The following ZNF507 variants were observed in gnomAD, a reference collection of about 807,000 sequenced individuals.
ZNF507 encodes zinc finger protein 507.
A neutral mutation model predicts 80.0 loss-of-function variants in ZNF507; 29 were observed. The ratio of observed to expected loss-of-function variants is 0.36; its 90% CI spans 0.27 to 0.49. The LOEUF is 0.49. ZNF507 is among the 20% of genes least tolerant of loss of function. The pLI is 0.98. For missense variants in ZNF507, 1,081 were observed against 1,152.2 expected, an observed-to-expected ratio of 0.94 and a Z score of 0.90; for synonymous variants, 462 against 422.5, an observed-to-expected ratio of 1.09 and a Z score of -1.15.
chr19:32,367,514 TTTCC>T (rs1967414683), intron 5 of ZNF507, among the ~76,000 whole-genome samples: 1 of 152,216 alleles, frequency 6.6e-6, no homozygotes. Context: ...TGAACAGACA[TTTCC>T]AGTTTAATAT....
intron 6 of ZNF507, 53 bp downstream of exon 6, chr19:32,382,654 T>C (rs1967638799): frequency 1.2e-6 from 2 of 1,612,674 alleles, no homozygotes; most frequent in Non-Finnish European, 1.7e-6. Context: ...AAAGCCAGGA[T>C]TAAATCTACT....
intron 3 of ZNF507, among the ~76,000 whole-genome samples, chr19:32,355,238 G>C (rs1371434984): frequency 6.6e-6 from 1 of 152,216 alleles, no homozygotes; most frequent in East Asian, 1.9e-4. Context: ...CAAGAGAATT[G>C]TAGGGAGTGT....
At chr19:32,356,758 G>T in intron 4 of ZNF507, 25 bp downstream of exon 4, 1 of 1,572,604 alleles carries the variant, frequency 6.4e-7, no homozygotes, top group Non-Finnish European at 8.8e-7. Flanking sequence ...TGTTATGCAG[G>T]CTGCAGTGAC....
At chr19:32,364,953 C>T (rs1011337682) in intron 5 of ZNF507, among the ~76,000 whole-genome samples, 4 of 151,708 alleles carry the variant, frequency 2.6e-5, no homozygotes, top group African/African-American at 7.3e-5. Context: ...TGTTCCTTAT[C>T]GCCACATCCA....
At position 32,356,657 on chromosome 19, in the gene ZNF507, A is replaced by G. The variant is rs372116444; in HGVS notation, c.2169A>G (p.Pro723=). The change falls in exon 4 of 7, where the codon CCA becomes CCG. Residue 723 remains proline, a synonymous_variant. Coordinates refer to ENST00000355898, the MANE Select transcript of ZNF507 (RefSeq NM_001136156.2). ...ATGAGAGAGAACAGCACAGTCTTCC[A>G]GATACCTTGTCAATAGCAACTTCTA... The part of the protein sequence containing the change: ...RNHEREQHSL[P]DTLSIATSNE... 3 of 1,614,062 alleles carry G rather than the reference A, an allele frequency of 1.9e-6. No individual in the cohort carries two copies. The highest frequency in any genetic ancestry group is 1.3e-5 in the African/African-American group (1 of 74,948).
In ZNF507 at chr19:32,384,905, C is replaced by A. The variant is rs1211299906; in HGVS notation, c.*1822C>A. ...AATCCACTGTATGTGGACTTATATTCATTTTCTCCTTTTTTCGGAATTGAA... is the reference window on the plus strand; with the variant it reads ...AATCCACTGTATGTGGACTTATATTAATTTTCTCCTTTTTTCGGAATTGAA... On this transcript the variant is annotated 3_prime_UTR_variant, in exon 7 of 7. Transcript: ENST00000355898. 1 of 151,954 alleles carries A rather than the reference C, an allele frequency of 6.6e-6. No individual in the cohort carries two copies. Among genetic ancestry groups the A allele is most frequent in the Non-Finnish European group, 1.5e-5 (1 of 67,974 alleles). 9.4% of individuals were successfully genotyped at this position (151,954 alleles called of 1,614,324 possible).
At chr19:32,370,984 G>T (rs1967462762) in intron 5 of ZNF507, among the ~76,000 whole-genome samples, 1 of 152,148 alleles carries the variant, frequency 6.6e-6, no homozygotes, top group Non-Finnish European at 1.5e-5. Context: ...TGAAGAGACT[G>T]TTCTTTCTCC....
intron 5 of ZNF507, among the ~76,000 whole-genome samples, chr19:32,367,084 T>G (rs944092749): frequency 2.0e-5 from 3 of 152,242 alleles, no homozygotes; most frequent in African/African-American, 7.2e-5. Flanking sequence ...CAGGCTGTCC[T>G]CTGCTTCTGG....
At chr19:32,356,973 T>C in intron 4 of ZNF507, 1 of 395,840 alleles carries the variant, frequency 2.5e-6, no homozygotes, top group Non-Finnish European at 4.6e-6. Context: ...CAGTTGAAAC[T>C]TAAGAGCCCC....
At chr19:32,360,466 C>T in intron 4 of ZNF507, 38 bp from the exon 5 acceptor site, 1 of 1,148,226 alleles carries the variant, frequency 8.7e-7, no homozygotes, top group Non-Finnish European at 1.2e-6. Flanking sequence ...TGAATCTTGT[C>T]AAAGCCTGCT....
At chr19:32,364,049 AG>A (rs2145328227) in intron 5 of ZNF507, among the ~76,000 whole-genome samples, 1 of 152,344 alleles carries the variant, frequency 6.6e-6, no homozygotes, top group East Asian at 1.9e-4. Context: ...GGCTTTGTGA[AG>A]ATTAGGTGAG....
rs757893632 is a variant in ZNF507 at position 32,356,752 on chromosome 19, A to G, written c.2245+19A>G. 3 of 1,589,836 alleles carry G rather than the reference A, an allele frequency of 1.9e-6. No homozygotes were observed. The highest frequency in any genetic ancestry group is 1.7e-6 in the Non-Finnish European group (2 of 1,157,976). ...CAGGAAGGTATCTATGTATTTTGTT[A>G]TGCAGGCTGCAGTGACTTGCACATG... On this transcript the variant is annotated intron_variant, in intron 4 of 6. Transcript: ENST00000355898.
rs186444272 is a variant in ZNF507, at chr19:32,377,209, C to T, written c.2361-5258C>T. On this transcript the variant is annotated intron_variant, in intron 5 of 6. Transcript: ENST00000355898. ...CTCTCTTTCCCAGTCTGCTAAGTAG[C>T]GAGTGTTTTTCCTTGACACTGACGC... 2.6e-5 allele frequency among the ~76,000 whole-genome samples: 4 copies of T among 152,136 alleles called. No homozygotes were observed. In the East Asian group the frequency reaches 7.8e-4, roughly 30 times the overall value.
intron 5 of ZNF507, among the ~76,000 whole-genome samples, chr19:32,368,046 C>T (rs1220381386): frequency 6.6e-6 from 1 of 152,160 alleles, no homozygotes; most frequent in Non-Finnish European, 1.5e-5. Context: ...TTCCCCATGT[C>T]TCAGAGCCGG....
rs74966282 is a variant in ZNF507 at position 32,349,982 on chromosome 19, T to G, written c.-3+2644T>G. Among the ~76,000 whole-genome samples, 1,354 of 152,336 alleles carry G rather than the reference T, an allele frequency of 8.9e-3. 14 individuals carry two copies. Among genetic ancestry groups the G allele is most frequent in the South Asian group, 0.027 (130 of 4,830 alleles). The stretch of plus-strand genomic sequence containing the variant: ...TGGAGGCCAAGGAGAGTATGCAGAT[T>G]GTCATAGTTTATGTTGTCATCACTA... On this transcript the variant is annotated intron_variant, in intron 2 of 6. Coordinates refer to ENST00000355898, the MANE Select transcript of ZNF507 (RefSeq NM_001136156.2).
chr19:32,352,874 GGGAACA>G lies in ZNF507; in HGVS notation c.49_54del (p.Gln17_Glu18del). 1 of 1,598,842 alleles carries G rather than the reference GGGAACA, an allele frequency of 6.3e-7. No homozygotes were observed. The highest frequency in any genetic ancestry group is 8.5e-7 in the Non-Finnish European group (1 of 1,175,458). On this transcript the variant is annotated inframe_deletion, in exon 3 of 7. Coordinates refer to ENST00000355898, the MANE Select transcript of ZNF507 (RefSeq NM_001136156.2). ...GTTGCCATGTTGGTGCCAGATATTG[GGGAACA>G]GGAAGCTATACTGACTGCTGAAAGT...
intron 5 of ZNF507, among the ~76,000 whole-genome samples, chr19:32,362,322 C>T (rs1599551540): frequency 1.3e-5 from 2 of 152,266 alleles, no homozygotes; most frequent in African/African-American, 4.8e-5. Context: ...TTTTTGGTAT[C>T]CTTGAATTTA....
At chr19:32,352,077 A>C (rs976049400) in intron 2 of ZNF507, among the ~76,000 whole-genome samples, 1 of 152,038 alleles carries the variant, frequency 6.6e-6, no homozygotes, top group African/African-American at 2.4e-5. Context: ...CAGGGAAAAA[A>C]AAAAAAACCA....
In ZNF507 at chr19:32,354,924, G is replaced by C; in HGVS notation, c.2094G>C (p.Gln698His). ...ACCACTGTAAGACAAGAATATACCA[G>C]TGCAAGCAGTGTGAAGAATCCTTCC... ...MIHHCKTRIYQCKQCEESFHY... is the reference protein window; with the variant it reads ...MIHHCKTRIYHCKQCEESFHY... The change falls in exon 3 of 7, where the codon CAG becomes CAC. Residue 698 changes from glutamine (Q) to histidine (H), a missense_variant. Gln to His is a conservative substitution (Grantham distance 24, BLOSUM62 0). Transcript: ENST00000355898. 1 of 1,611,818 alleles carries C rather than the reference G, an allele frequency of 6.2e-7. No individual in the cohort carries two copies. The highest frequency in any genetic ancestry group is 8.5e-7 in the Non-Finnish European group (1 of 1,178,806).
Sources: allele counts gnomAD v4.1 joint callset (sites outside exome capture counted in the v4.1 genomes callset), GRCh38; gene constraint gnomAD v4.1.1; transcripts MANE v1.5; gene names NCBI Gene and HGNC (gene_info 2026-07-23, HGNC 2026-07-21).